The following DDX43 variants were observed in gnomAD, a reference collection of about 807,000 sequenced individuals.
DDX43 encodes the protein probable ATP-dependent RNA helicase DDX43.
In DDX43, 50 loss-of-function variants were observed where a neutral mutation model predicts 84.9. That is an observed-to-expected ratio of 0.59 (90% CI 0.47 to 0.75). DDX43 has a LOEUF of 0.75. Ranked by LOEUF, DDX43 falls within the 30% of genes least tolerant of loss-of-function variation. The pLI is 0.00. For synonymous variants in DDX43, 291 were observed against 266.3 expected (o/e 1.09, Z -0.90); for missense variants, 689 against 798.6 (o/e 0.86, Z 1.65).
rs1259168863 is a variant in DDX43 at position 73,409,347 on chromosome 6, A to G, written c.1279A>G (p.Ser427Gly). Residue 427 changes from serine (S) to glycine (G), a missense_variant and splice_region_variant, in exon 10 of 17, where the codon AGT (serine) becomes GGT (glycine). Ser to Gly is a moderately conservative substitution (Grantham distance 56). Around this residue, in one of 2 missense-constraint regions of DDX43, gnomAD observed 552 missense variants for 692.7 expected, o/e 0.80. Coordinates refer to ENST00000370336, the MANE Select transcript of DDX43 (RefSeq NM_018665.3). ...CCCAGATAGGCAGACAGTTATGACC[A>G]GGTACGTATATGCTTAATTACTGTG... The part of the protein sequence containing the change: ...VRPDRQTVMT[S>G]ATWPHSVHRL... 2 of 1,608,444 alleles carry G rather than the reference A, an allele frequency of 1.2e-6. No homozygotes were observed. Among genetic ancestry groups the G allele is most frequent in the African/African-American group, 2.7e-5 (2 of 74,788 alleles).
At chr6:73,415,647 T>C in intron 15 of DDX43, 63 bp downstream of exon 15, 1 of 1,175,904 alleles carries the variant, frequency 8.5e-7, no homozygotes, top group Non-Finnish European at 1.2e-6. Context: ...TTATGCCGGG[T>C]ACTATGGCTT....
intron 1 of DDX43, 38 bp downstream of exon 1, chr6:73,395,193 G>C (rs1243656644): frequency 6.4e-7 from 1 of 1,561,526 alleles, no homozygotes; most frequent in South Asian, 1.2e-5. Flanking sequence ...GGATAGGTGG[G>C]GCCAGGGGCG....
rs1178850066 is a variant in DDX43 at position 73,414,662 on chromosome 6, G to A, written c.1721G>A (p.Arg574Gln). The change falls in exon 14 of 17, where the codon CGA becomes CAA. Residue 574 changes from arginine (R) to glutamine (Q), a missense_variant. By Grantham distance (43) the Arg-to-Gln change is conservative (BLOSUM62 1). Coordinates refer to ENST00000370336, the MANE Select transcript of DDX43 (RefSeq NM_018665.3). ...CGGAATATTGAAGAATACGTACACC[G>A]AATAGGGCGCACGGGAAGAGCAGGG... ...FPRNIEEYVH[R>Q]IGRTGRAGRT... 1.1e-5 allele frequency: 17 copies of A among 1,613,120 alleles called. No individual in the cohort carries two copies. The African/African-American group carries it at 1.2e-4, about 11-fold the overall frequency.
At chr6:73,411,895 A>C (rs1176843866) in intron 10 of DDX43, among the ~76,000 whole-genome samples, 1 of 151,450 alleles carries the variant, frequency 6.6e-6, no homozygotes, top group African/African-American at 2.4e-5. Context: ...ACGTGGTTTT[A>C]TCATGTTGGC....
rs141888519 is a variant in DDX43 at position 73,407,422 on chromosome 6, T to C, written c.927-83T>C. On this transcript the variant is annotated intron_variant, in intron 7 of 16. Coordinates refer to ENST00000370336, the MANE Select transcript of DDX43 (RefSeq NM_018665.3). Reference sequence around the variant, plus strand: ...GCGTGAGCCACCACGTCTGGCTTGTTGCTACAAATCTTGATGGTACTGAAT... The same window carrying C: ...GCGTGAGCCACCACGTCTGGCTTGTCGCTACAAATCTTGATGGTACTGAAT... 33 of 984,132 alleles carry C rather than the reference T, an allele frequency of 3.4e-5. No homozygotes were observed. In the East Asian group the frequency reaches 8.1e-4, roughly 24 times the overall value. The allele number at this position is 984,132 out of a possible 1,614,324, so 61.0% of individuals were successfully genotyped here.
chr6:73,400,229 C>T lies in DDX43; in HGVS notation c.307-5C>T, dbSNP rs771645231. 11 of 1,588,340 alleles carry T rather than the reference C, an allele frequency of 6.9e-6. No homozygotes were observed. The East Asian group carries it at 2.1e-4, about 30-fold the overall frequency. On this transcript the variant is annotated splice_polypyrimidine_tract_variant and splice_region_variant and intron_variant, in intron 2 of 16. Transcript: ENST00000370336. ...AGTCTCACCTCTTTTTCCCCTTGTACCTAGATAATACAAGAACAACCAGAA... is the reference window on the plus strand; with the variant it reads ...AGTCTCACCTCTTTTTCCCCTTGTATCTAGATAATACAAGAACAACCAGAA...
intron 16 of DDX43, among the ~76,000 whole-genome samples, chr6:73,416,928 A>T (rs933171342): frequency 6.6e-6 from 1 of 152,186 alleles, no homozygotes; most frequent in Non-Finnish European, 1.5e-5. Flanking sequence ...AATCCCAGCT[A>T]TATGAGAGAC....
chr6:73,412,364 C>T, intron 11 of DDX43, 72 bp downstream of exon 11: 1 of 1,259,190 alleles, frequency 7.9e-7, no homozygotes, highest in Non-Finnish European at 1.1e-6. Flanking sequence ...TTTGGTGTGC[C>T]TAGTCTGCCC....
chr6:73,407,559 A>G lies in DDX43; in HGVS notation c.981A>G (p.Glu327=), dbSNP rs1769707570. 6.2e-7 allele frequency: 1 copy of G among 1,614,046 alleles called. No homozygotes were observed. Among genetic ancestry groups the G allele is most frequent in the Admixed American group, 1.7e-5 (1 of 60,020 alleles). The change falls in exon 8 of 17, where the codon GAA becomes GAG. Residue 327 remains glutamate (E), a synonymous_variant. Transcript: ENST00000370336. ...TGTTAGTTCTAACTCCCACTCGGGA[A>G]TTAGCACTTCAAGTAGAAGGAGAAT... The part of the protein sequence containing the change: ...PGMLVLTPTR[E]LALQVEGECC...
chr6:73,404,825 T>C, intron 5 of DDX43, 54 bp downstream of exon 5: 1 of 1,347,292 alleles, frequency 7.4e-7, no homozygotes, highest in Non-Finnish European at 1.0e-6. Context: ...ACGTTATTGG[T>C]ATTAACACTT....
chr6:73,404,923 TGTC>T, intron 5 of DDX43, 152 bp downstream of exon 5: 1 of 696,342 alleles, frequency 1.4e-6, no homozygotes, highest in Non-Finnish European at 2.4e-6. Context: ...AGAACATTGT[TGTC>T]TAGTAAAACT....
At position 73,407,980 on chromosome 6, in the gene DDX43, G is replaced by T; in HGVS notation, c.1058G>T (p.Gly353Val). The change falls in exon 9 of 17, where the codon GGA becomes GTA. Residue 353 changes from glycine (G) to valine (V), a missense_variant. Gly to Val is a moderately radical substitution (Grantham distance 109). Coordinates refer to ENST00000370336, the MANE Select transcript of DDX43 (RefSeq NM_018665.3). Reference sequence around the variant, plus strand: ...TTAAGTGTTTGTGTATATGGTGGTGGAAATAGAGATGAACAAATAGAAGAG... The same window carrying T: ...TTAAGTGTTTGTGTATATGGTGGTGTAAATAGAGATGAACAAATAGAAGAG... ...GLRSVCVYGG[G>V]NRDEQIEELK... 6.2e-7 allele frequency: 1 copy of T among 1,613,488 alleles called. No homozygotes were observed. Among genetic ancestry groups the T allele is most frequent in the Non-Finnish European group, 8.5e-7 (1 of 1,179,556 alleles).
rs1220797102 is a variant in DDX43 at position 73,415,710 on chromosome 6, G to A, written c.1833+126G>A. On this transcript the variant is annotated intron_variant, in intron 15 of 16. Transcript: ENST00000370336. Reference sequence around the variant, plus strand: ...TTTTCATCACGTTTTGAGGGCTTTAGCATGGCAGTGATAAGAAACTATGGG... The same window carrying A: ...TTTTCATCACGTTTTGAGGGCTTTAACATGGCAGTGATAAGAAACTATGGG... 6.3e-6 allele frequency: 4 copies of A among 630,800 alleles called. No individual in the cohort carries two copies. In the African/African-American group the frequency reaches 7.4e-5, roughly 12 times the overall value. 39.1% of individuals were successfully genotyped at this position (630,800 alleles called of 1,614,324 possible).
intron 13 of DDX43, 121 bp from the exon 14 acceptor site, chr6:73,414,427 G>A: frequency 1.1e-6 from 1 of 903,404 alleles, no homozygotes; most frequent in Non-Finnish European, 1.7e-6. Context: ...CACAAAGTAA[G>A]CATTTTAATG....
At chr6:73,409,871 A>G (rs1769752921) in intron 10 of DDX43, among the ~76,000 whole-genome samples, 1 of 152,118 alleles carries the variant, frequency 6.6e-6, no homozygotes, top group African/African-American at 2.4e-5. Flanking sequence ...TCTCTACTAA[A>G]AATACAAACT....
chr6:73,414,241 T>G (rs1769860730), intron 13 of DDX43, among the ~76,000 whole-genome samples, 162 bp downstream of exon 13: 1 of 152,326 alleles, frequency 6.6e-6, no homozygotes, highest in South Asian at 2.1e-4. Context: ...TAATCTGCCT[T>G]TAAGTATTAA....
chr6:73,395,267 T>G, intron 1 of DDX43, 112 bp downstream of exon 1: 2 of 1,306,670 alleles, frequency 1.5e-6, no homozygotes, highest in South Asian at 1.5e-5. Flanking sequence ...CCTAGTGAGG[T>G]TCAGGTCTCT....
intron 10 of DDX43, among the ~76,000 whole-genome samples, chr6:73,410,201 C>G (rs1582640242): frequency 6.6e-6 from 1 of 152,188 alleles, no homozygotes; most frequent in East Asian, 1.9e-4. Flanking sequence ...CAAAGTCTCG[C>G]TGACACTCAA....
chr6:73,403,901 T>G (rs1003785418), intron 4 of DDX43, among the ~76,000 whole-genome samples: 2 of 151,210 alleles, frequency 1.3e-5, no homozygotes, highest in Non-Finnish European at 2.9e-5. Flanking sequence ...CACTGCAACC[T>G]CTGCCTCCTG....
Sources: gnomAD v4.1 joint callset for allele counts (sites outside exome capture counted in the v4.1 genomes callset) on GRCh38, gnomAD v4.1.1 for gene constraint, gnomAD v4.1.1 regional missense constraint, MANE v1.5 for transcripts, NCBI Gene and HGNC (gene_info 2026-07-23, HGNC 2026-07-21) for gene names.